The following WASF2 variants were observed in gnomAD, a reference collection of about 807,000 sequenced individuals.
The protein encoded by WASF2 is WASP family member 2.
Under a neutral mutation model 45.0 loss-of-function variants are expected in WASF2, and 14 were observed. The ratio of observed to expected loss-of-function variants is 0.31; its 90% confidence interval spans 0.21 to 0.49. The LOEUF (loss-of-function observed/expected upper bound fraction) is 0.49. WASF2 is among the 20% of genes least tolerant of loss of function. WASF2 has a pLI of 0.99. For synonymous variants in WASF2, 200 were observed against 236.3 expected, an observed-to-expected ratio of 0.85 and a Z score of 1.41; for missense variants, 439 against 636.1, an observed-to-expected ratio of 0.69 and a Z score of 3.33.
In WASF2 at chr1:27,408,270, G is replaced by A; in HGVS notation, c.1416C>T (p.Ile472=). Residue 472 remains isoleucine (I), a synonymous_variant, in exon 9 of 9, where the codon ATC becomes ATT. Transcript: ENST00000618852. ...ACTCAACAGCAATGCGACGAGACAAGATGGTGGCCACGTCATTGCCCACAA... is the reference window on the plus strand; with the variant it reads ...ACTCAACAGCAATGCGACGAGACAAAATGGTGGCCACGTCATTGCCCACAA... ...RDVVGNDVAT[I]LSRRIAVEYS... is the part of the protein sequence containing the mutation. 2 of 1,614,206 alleles carry A rather than the reference G, an allele frequency of 1.2e-6. No homozygotes were observed. The highest frequency in any genetic ancestry group is 1.7e-6 in the Non-Finnish European group (2 of 1,180,038).
intron 1 of WASF2, among the ~76,000 whole-genome samples, chr1:27,460,130 G>A (rs2017524935): frequency 6.6e-6 from 1 of 152,062 alleles, no homozygotes; most frequent in African/African-American, 2.4e-5. Flanking sequence ...ATATTTCTCT[G>A]CCAGTCCAGT....
chr1:27,475,245 T>C (rs1196764743), intron 1 of WASF2, among the ~76,000 whole-genome samples: 1 of 152,200 alleles, frequency 6.6e-6, no homozygotes, highest in Non-Finnish European at 1.5e-5. Context: ...AGCAAGACCT[T>C]GTCTCAAAAT....
chr1:27,418,955 T>G lies in WASF2; in HGVS notation c.264A>C (p.Glu88Asp), dbSNP rs1249926689. 2.5e-6 allele frequency: 4 copies of G among 1,613,524 alleles called. No homozygotes were observed. Among genetic ancestry groups the G allele is most frequent in the Non-Finnish European group, 3.4e-6 (4 of 1,179,678 alleles). ...AAATGCTGAGCTCAGCTTTCTTACC[T>G]TCTTCTTCCTTGGGATCCAGCTGAG... Reference protein sequence around the residue: ...KVTQLDPKEEEVSLQGINTRK... With the variant: ...KVTQLDPKEEDVSLQGINTRK... Residue 88 changes from glutamate (E) to aspartate (D), a missense_variant and splice_region_variant, in exon 3 of 9, where the codon GAA (glutamate) becomes GAC (aspartate). Glu to Asp is a conservative substitution (Grantham distance 45). Coordinates refer to ENST00000618852, the MANE Select transcript of WASF2 (RefSeq NM_006990.5).
intron 2 of WASF2, 124 bp downstream of exon 2, chr1:27,428,637 T>C (rs2017018818): frequency 1.4e-6 from 2 of 1,430,518 alleles, no homozygotes; most frequent in Non-Finnish European, 9.7e-7. Flanking sequence ...AGAGGGAGGA[T>C]ACATTTTCGC....
intron 2 of WASF2, among the ~76,000 whole-genome samples, chr1:27,426,767 C>T (rs1396689305): frequency 2.0e-5 from 3 of 152,154 alleles, no homozygotes; most frequent in Non-Finnish European, 2.9e-5. Flanking sequence ...CCTTCAGCCT[C>T]CCAAAGTGCT....
At position 27,404,466 on chromosome 1, in the gene WASF2, C is replaced by G. The variant is rs1327700419; in HGVS notation, c.*3723G>C. The G allele has an allele frequency of 1.3e-5, 2 of 152,176 alleles. No individual in the cohort carries two copies. Among genetic ancestry groups the G allele is most frequent in the Non-Finnish European group, 2.9e-5 (2 of 68,046 alleles). 9.4% of individuals were successfully genotyped at this position (152,176 alleles called of 1,614,324 possible). ...AAGAGGAAAGGGTCACTTTAGGGGT[C>G]TGGCTTAACCCACTGCCTAGATCTC... On this transcript the variant is annotated 3_prime_UTR_variant, in exon 9 of 9. Coordinates refer to ENST00000618852, the MANE Select transcript of WASF2 (RefSeq NM_006990.5).
chr1:27,449,017 CCCA>C (rs941556361), intron 1 of WASF2, among the ~76,000 whole-genome samples: 4 of 152,052 alleles, frequency 2.6e-5, no homozygotes, highest in Non-Finnish European at 5.9e-5. Context: ...AGTTTGACCA[CCCA>C]CCACAACCCC....
chr1:27,422,817 C>T (rs1010604249), intron 2 of WASF2, among the ~76,000 whole-genome samples: 5 of 151,962 alleles, frequency 3.3e-5, no homozygotes, highest in Non-Finnish European at 5.9e-5. Context: ...TCCTTATACT[C>T]CTCAACCACA....
intron 1 of WASF2, among the ~76,000 whole-genome samples, chr1:27,462,835 AT>A (rs1275156945): frequency 3.3e-5 from 5 of 151,996 alleles, no homozygotes; most frequent in Non-Finnish European, 7.4e-5. Flanking sequence ...TATTTTTATT[AT>A]TTTAATTTTT....
At chr1:27,478,765 G>GC (rs2017806168) in intron 1 of WASF2, among the ~76,000 whole-genome samples, 1 of 151,804 alleles carries the variant, frequency 6.6e-6, no homozygotes, top group Non-Finnish European at 1.5e-5. Context: ...TGTATTTTTA[G>GC]TAGAGACAGG....
intron 1 of WASF2, among the ~76,000 whole-genome samples, chr1:27,459,964 G>A (rs2017522741): frequency 6.6e-6 from 1 of 152,202 alleles, no homozygotes; most frequent in African/African-American, 2.4e-5. Context: ...CGCAGCTTCA[G>A]AACAGTGTTA....
chr1:27,416,025 T>A lies in WASF2; in HGVS notation c.497A>T (p.Gln166Leu). 1 of 1,614,134 alleles carries A rather than the reference T, an allele frequency of 6.2e-7. No individual in the cohort carries two copies. Among genetic ancestry groups the A allele is most frequent in the Non-Finnish European group, 8.5e-7 (1 of 1,179,998 alleles). Reference protein sequence around the residue: ...FFDLWKEKMLQDTKDIMKEKR... With the variant: ...FFDLWKEKMLLDTKDIMKEKR... The stretch of plus-strand genomic sequence containing the variant: ...CTCTTTCATGATATCCTTGGTGTCC[T>A]GCAGCATCTTCTCCTTCCAAAGATC... Residue 166 changes from glutamine to leucine, a missense_variant, in exon 5 of 9, where the codon CAG (glutamine) becomes CTG (leucine). By Grantham distance (113) the Gln-to-Leu change is moderately radical (BLOSUM62 -2). Coordinates refer to ENST00000618852, the MANE Select transcript of WASF2 (RefSeq NM_006990.5).
chr1:27,472,726 G>A (rs963478354), intron 1 of WASF2, among the ~76,000 whole-genome samples: 3 of 149,390 alleles, frequency 2.0e-5, no homozygotes, highest in African/African-American at 7.4e-5. Context: ...ACCTTGGGAG[G>A]CCAAGGCAAG....
Position 27,418,363 on chromosome 1 carries a change from T to G in WASF2, c.325A>C (p.Lys109Gln). Residue 109 changes from lysine to glutamine, a missense_variant, in exon 4 of 9, where the codon AAG becomes CAG. Transcript: ENST00000618852. ...GGGAGAGAGTTTCTGTCAAAAAGCT[T>G]CTGGTCTTGAATGGTGGAACTTCTG... Reference protein sequence around the residue: ...AFRSSTIQDQKLFDRNSLPVP... With the variant: ...AFRSSTIQDQQLFDRNSLPVP... 6.2e-7 allele frequency: 1 copy of G among 1,614,202 alleles called. No individual in the cohort carries two copies. Among genetic ancestry groups the G allele is most frequent in the Non-Finnish European group, 8.5e-7 (1 of 1,180,032 alleles).
chr1:27,482,426 T>C (rs1168743606), intron 1 of WASF2, among the ~76,000 whole-genome samples: 2 of 152,198 alleles, frequency 1.3e-5, no homozygotes, highest in South Asian at 4.1e-4. Context: ...AGCTCAAAAA[T>C]TAGCAAGAAT....
chr1:27,406,883 C>A lies in WASF2; in HGVS notation c.*1306G>T, dbSNP rs953212140. ...CTGAAGTTTCCACAGTTGGCAGAAT[C>A]TTTGTTTAAATTGGGGAAATAAAAG... On this transcript the variant is annotated 3_prime_UTR_variant, in exon 9 of 9. Coordinates refer to ENST00000618852, the MANE Select transcript of WASF2 (RefSeq NM_006990.5). 2 of 152,212 alleles carry A rather than the reference C, an allele frequency of 1.3e-5. No homozygotes were observed. Among genetic ancestry groups the A allele is most frequent in the African/African-American group, 4.8e-5 (2 of 41,440 alleles). 9.4% of individuals were successfully genotyped at this position (152,212 alleles called of 1,614,324 possible). A position where few individuals can be genotyped will look rare whatever the true frequency, so the allele number is the denominator to read the frequency against.
intron 1 of WASF2, among the ~76,000 whole-genome samples, chr1:27,436,416 G>A (rs1488225854): frequency 6.6e-6 from 1 of 151,936 alleles, no homozygotes; most frequent in Non-Finnish European, 1.5e-5. Context: ...CAGCTGGAGT[G>A]GTTGCACTCC....
intron 1 of WASF2, among the ~76,000 whole-genome samples, chr1:27,484,321 A>G (rs938830445): frequency 3.3e-5 from 5 of 152,250 alleles, no homozygotes; most frequent in Non-Finnish European, 7.3e-5. Context: ...GGCCATTTAA[A>G]GAAACCACCC....
chr1:27,483,846 G>A (rs1425604093), intron 1 of WASF2, among the ~76,000 whole-genome samples: 2 of 151,688 alleles, frequency 1.3e-5, no homozygotes, highest in Admixed American at 1.3e-4. Flanking sequence ...CCAGCTATTT[G>A]GGAGGCTAAG....
Sources: gnomAD v4.1 joint callset for allele counts (sites outside exome capture counted in the v4.1 genomes callset) on GRCh38, gnomAD v4.1.1 for gene constraint, MANE v1.5 for transcripts, NCBI Gene and HGNC (gene_info 2026-07-23, HGNC 2026-07-21) for gene names.